Variants in TMEM220 observed in about 807,000 individuals in gnomAD.
The protein encoded by TMEM220 is transmembrane protein 220.
Under a neutral mutation model 21.7 loss-of-function variants are expected in TMEM220, and 21 were observed. The ratio of observed to expected loss-of-function variants is 0.97; its 90% CI spans 0.69 to 1.39. The LOEUF (loss-of-function observed/expected upper bound fraction) is 1.39. TMEM220 is among the 40% of genes most tolerant of loss of function. The pLI is 0.00. For synonymous variants in TMEM220, 80 were observed against 73.6 expected (o/e 1.09, Z -0.45); for missense variants, 191 against 201.9 (o/e 0.95, Z 0.33).
chr17:10,715,774 T>C (rs763222852), intron 5 of TMEM220, among the ~76,000 whole-genome samples, 186 bp from the exon 6 acceptor site: 11 of 151,188 alleles, frequency 7.3e-5, no homozygotes, highest in Admixed American at 3.3e-4. Flanking sequence ...CTTGTTTATA[T>C]GTGTTACAAA....
intron 5 of TMEM220, among the ~76,000 whole-genome samples, chr17:10,721,073 A>G (rs365271): frequency 0.49 from 74,769 of 151,744 alleles, 19,111 homozygotes; most frequent in African/African-American, 0.63. Context: ...TATGACATAT[A>G]TATGAATTCA....
chr17:10,722,327 T>C (rs1442957472), intron 5 of TMEM220, among the ~76,000 whole-genome samples: 1 of 152,200 alleles, frequency 6.6e-6, no homozygotes, highest in Non-Finnish European at 1.5e-5. Context: ...TTACATACTT[T>C]GAGATTCTTT....
chr17:10,711,356 G>A (rs445928), downstream of TMEM220: 241,616 of 541,078 alleles, frequency 0.45, 55,748 homozygotes, highest in African/African-American at 0.64. Context: ...AGGAAACTGA[G>A]GCAGGGGTGT....
chr17:10,711,628 C>T (rs899235615), downstream of TMEM220, among the ~76,000 whole-genome samples: 24 of 152,114 alleles, frequency 1.6e-4, no homozygotes, highest in African/African-American at 4.8e-4. Flanking sequence ...AGTTATTTCA[C>T]GGGTAAGCGT....
intron 5 of TMEM220, among the ~76,000 whole-genome samples, chr17:10,717,621 A>AT (rs2074938338): frequency 2.6e-5 from 4 of 151,834 alleles, no homozygotes; most frequent in Admixed American, 2.6e-4. Flanking sequence ...ATGTAATTTC[A>AT]TTTTTTTGTC....
intron 2 of TMEM220, among the ~76,000 whole-genome samples, chr17:10,726,604 T>C (rs987610520): frequency 6.6e-6 from 1 of 152,174 alleles, no homozygotes; most frequent in African/African-American, 2.4e-5. Context: ...CTTTCCCCAC[T>C]TGCATAAAAG....
rs1042683701 is a variant in TMEM220 at position 10,713,860 on chromosome 17, A to G, written c.*1593T>C. 1.3e-5 allele frequency: 2 copies of G among 152,224 alleles called. No homozygotes were observed. The highest frequency in any genetic ancestry group is 1.3e-4 in the Admixed American group (2 of 15,274). 9.4% of individuals were successfully genotyped at this position (152,224 alleles called of 1,614,324 possible). A position where few individuals can be genotyped will look rare whatever the true frequency, so the allele number is the denominator to read the frequency against. On this transcript the variant is annotated 3_prime_UTR_variant, in exon 6 of 6. Transcript: ENST00000341871. ...TTTACTATAGTAATAAAGACAATAA[A>G]AATAGACAAACTACCAGACTCATTT...
At chr17:10,718,549 G>A (rs2074950753) in intron 5 of TMEM220, among the ~76,000 whole-genome samples, 1 of 142,682 alleles carries the variant, frequency 7.0e-6, no homozygotes, top group Non-Finnish European at 1.5e-5. Context: ...CTTCCTGGAA[G>A]CTTAAAAAAA....
Position 10,713,399 on chromosome 17 carries a change from GC to G in TMEM220, c.*2053del, listed in dbSNP as rs2074869683. The G allele has an allele frequency of 6.6e-6, 1 of 151,936 alleles. No individual in the cohort carries two copies. The highest frequency in any genetic ancestry group is 2.1e-4 in the South Asian group (1 of 4,820). The allele number at this position is 151,936 out of a possible 1,614,324, so 9.4% of individuals were successfully genotyped here. A position where few individuals can be genotyped will look rare whatever the true frequency, so the allele number is the denominator to read the frequency against. On this transcript the variant is annotated 3_prime_UTR_variant, in exon 6 of 6. Transcript: ENST00000341871. ...GCCTTTTATATGCTTAACTGAAGAT[GC>G]GAAAGAGACTATGAATAGTCACATA...
At chr17:10,718,921 T>C (rs1482807307) in intron 5 of TMEM220, among the ~76,000 whole-genome samples, 1 of 152,238 alleles carries the variant, frequency 6.6e-6, no homozygotes, top group Non-Finnish European at 1.5e-5. Flanking sequence ...TCTTGGTTTA[T>C]TGTGTGGTTA....
chr17:10,720,903 G>A (rs1288591788), intron 5 of TMEM220, among the ~76,000 whole-genome samples: 3 of 152,162 alleles, frequency 2.0e-5, no homozygotes, highest in Non-Finnish European at 4.4e-5. Flanking sequence ...ACTGAGACTA[G>A]AAATTTTGCC....
intron 4 of TMEM220, 57 bp downstream of exon 4, chr17:10,724,954 A>C: frequency 6.2e-7 from 1 of 1,609,490 alleles, no homozygotes; most frequent in Non-Finnish European, 8.5e-7. Context: ...TGCAAACACG[A>C]TTCCTTAGTT....
At chr17:10,729,387 G>A (rs905793086) in intron 1 of TMEM220, among the ~76,000 whole-genome samples, 1 of 152,052 alleles carries the variant, frequency 6.6e-6, no homozygotes, top group Admixed American at 6.5e-5. Context: ...TTATGAAGGG[G>A]GTCCCCAAGC....
chr17:10,718,315 A>G (rs769702289), intron 5 of TMEM220, among the ~76,000 whole-genome samples: 23 of 151,842 alleles, frequency 1.5e-4, no homozygotes, highest in Non-Finnish European at 2.6e-4. Context: ...TTTATTCCTG[A>G]TATTTGTTAT....
At chr17:10,727,200 G>GA (rs1307853139) in intron 2 of TMEM220, among the ~76,000 whole-genome samples, 3 of 151,312 alleles carry the variant, frequency 2.0e-5, no homozygotes, top group African/African-American at 7.3e-5. Context: ...AGATGGGGGG[G>GA]GTCTCGCTAT....
downstream of TMEM220, among the ~76,000 whole-genome samples, chr17:10,711,899 G>A (rs950197677): frequency 4.6e-5 from 7 of 152,224 alleles, no homozygotes; most frequent in African/African-American, 1.7e-4. Context: ...GACTATTCAG[G>A]TGTGGAGAAA....
intron 5 of TMEM220, among the ~76,000 whole-genome samples, chr17:10,715,829 T>G (rs1317542710): frequency 1.3e-5 from 2 of 152,226 alleles, no homozygotes; most frequent in Non-Finnish European, 2.9e-5. Context: ...AAGTCATTGA[T>G]TAATTTGACA....
chr17:10,729,017 C>T lies in TMEM220; in HGVS notation c.102+14G>A, dbSNP rs2151483237. ...TTCCAAACGGAGGAAAGCCTGGAAG[C>T]GGCTCATACTCACCACCCACACCTC... On this transcript the variant is annotated intron_variant, in intron 2 of 5. Coordinates refer to ENST00000341871, the MANE Select transcript of TMEM220 (RefSeq NM_001004313.3). 11 of 1,614,052 alleles carry T rather than the reference C, an allele frequency of 6.8e-6. No homozygotes were observed. The highest frequency in any genetic ancestry group is 4.5e-5 in the East Asian group (2 of 44,888).
intron 5 of TMEM220, chr17:10,715,997 C>A: frequency 3.6e-6 from 1 of 280,378 alleles, no homozygotes; most frequent in Non-Finnish European, 6.5e-6. Flanking sequence ...AAATATACTG[C>A]CCTGACACAA....
Sources: allele counts gnomAD v4.1 joint callset (sites outside exome capture counted in the v4.1 genomes callset), GRCh38; gene constraint gnomAD v4.1.1; transcripts MANE v1.5; gene names NCBI Gene and HGNC (gene_info 2026-07-23, HGNC 2026-07-21).